Variants in GLE1 observed in about 807,000 individuals in gnomAD.
GLE1 encodes mRNA export factor GLE1.
GLE1 carries 78 observed loss-of-function variants against 97.3 expected under a neutral mutation model. That is an observed-to-expected ratio of 0.80 (90% CI 0.67 to 0.97). GLE1 has a LOEUF of 0.97. GLE1 is among the 50% of genes least tolerant of loss of function. The pLI, the probability that GLE1 is intolerant of heterozygous loss-of-function variation, is 0.00. For synonymous variants in GLE1, 302 were observed against 313.4 expected (o/e 0.96, Z 0.39); for missense variants, 753 against 857.5 (o/e 0.88, Z 1.52).
chr9:128,535,165 C>T (rs903836674), intron 11 of GLE1, among the ~76,000 whole-genome samples: 6 of 152,014 alleles, frequency 3.9e-5, no homozygotes, highest in African/African-American at 1.4e-4. Flanking sequence ...CGCTTGAGCC[C>T]AGGAGTTCAA....
chr9:128,523,652 C>A lies in GLE1; in HGVS notation c.703C>A (p.Arg235=). The A allele has an allele frequency of 6.2e-7, 1 of 1,614,006 alleles. No individual in the cohort carries two copies. Among genetic ancestry groups the A allele is most frequent in the South Asian group, 1.1e-5 (1 of 91,088 alleles). ...GCGCGTGAAGCAAGCAGAACAGGAGCGGCTTCGGAAGGAAGAAGGCCAGAT... is the reference window on the plus strand; with the variant it reads ...GCGCGTGAAGCAAGCAGAACAGGAGAGGCTTCGGAAGGAAGAAGGCCAGAT... The part of the protein sequence containing the change: ...QQRVKQAEQE[R]LRKEEGQIRL... The change falls in exon 6 of 16, where the codon CGG becomes AGG. Residue 235 remains arginine (R), a synonymous_variant. Transcript: ENST00000309971.
Position 128,509,112 on chromosome 9 carries a change from A to G in GLE1, c.321+15A>G. 6.8e-7 allele frequency: 1 copy of G among 1,473,922 alleles called. No individual in the cohort carries two copies. The highest frequency in any genetic ancestry group is 9.5e-7 in the Non-Finnish European group (1 of 1,052,064). The allele number at this position is 1,473,922 out of a possible 1,614,324, so 91.3% of individuals were successfully genotyped here. ...ATGGAACCAAGGTAAGGTTGTGATC[A>G]GCTTAAGACAAAAGACATGGTGGCT... is the stretch of plus-strand genomic sequence containing the variant. On this transcript the variant is annotated intron_variant, in intron 2 of 15. Coordinates refer to ENST00000309971, the MANE Select transcript of GLE1 (RefSeq NM_001003722.2).
At chr9:128,514,501 C>T (rs1418760822) in intron 2 of GLE1, among the ~76,000 whole-genome samples, 15 of 140,258 alleles carry the variant, frequency 1.1e-4, no homozygotes, top group African/African-American at 3.5e-4. Flanking sequence ...AGAGTGCAGT[C>T]GTACGATCTC....
At chr9:128,505,133 G>C (rs1016951031) in intron 1 of GLE1, among the ~76,000 whole-genome samples, 10 of 152,180 alleles carry the variant, frequency 6.6e-5, no homozygotes, top group African/African-American at 2.2e-4. Context: ...CGCTCTGAAG[G>C]CTTCATTGCT....
In GLE1 at chr9:128,509,103, G is replaced by A; in HGVS notation, c.321+6G>A. The A allele has an allele frequency of 1.3e-6, 2 of 1,545,204 alleles. No homozygotes were observed. Among genetic ancestry groups the A allele is most frequent in the African/African-American group, 1.4e-5 (1 of 73,722 alleles). The stretch of plus-strand genomic sequence containing the variant: ...CAACACCAAATGGAACCAAGGTAAG[G>A]TTGTGATCAGCTTAAGACAAAAGAC... On this transcript the variant is annotated splice_donor_region_variant and intron_variant, in intron 2 of 15. Coordinates refer to ENST00000309971, the MANE Select transcript of GLE1 (RefSeq NM_001003722.2).
chr9:128,537,395 A>G (rs1589076679), intron 12 of GLE1, among the ~76,000 whole-genome samples: 1 of 146,016 alleles, frequency 6.8e-6, no homozygotes, highest in Admixed American at 7.0e-5. Flanking sequence ...AGAGGTGGCA[A>G]TGAGCCGAGA....
intron 15 of GLE1, 22 bp downstream of exon 15, chr9:128,540,360 A>C: frequency 6.6e-7 from 1 of 1,513,246 alleles, no homozygotes; most frequent in Non-Finnish European, 9.2e-7. Context: ...TTAGACCAAC[A>C]TGCCCCACAC....
intron 3 of GLE1, among the ~76,000 whole-genome samples, chr9:128,521,483 A>C (rs544554715): frequency 6.6e-6 from 1 of 152,316 alleles, no homozygotes; most frequent in African/African-American, 2.4e-5. Flanking sequence ...GCCGTGAGCT[A>C]TAAGTGTGCC....
chr9:128,510,518 C>T (rs1464067285), intron 2 of GLE1, among the ~76,000 whole-genome samples: 2 of 120,294 alleles, frequency 1.7e-5, no homozygotes, highest in Non-Finnish European at 3.4e-5. Context: ...TGAACCACCA[C>T]ACCCAGGCTT....
rs2132523058 is a variant in GLE1, at chr9:128,536,354, G to C, written c.1647-1G>C. 1.9e-6 allele frequency: 3 copies of C among 1,613,046 alleles called. No individual in the cohort carries two copies. The highest frequency in any genetic ancestry group is 2.5e-6 in the Non-Finnish European group (3 of 1,179,384). On this transcript the variant is annotated splice_acceptor_variant, in intron 11 of 15. Coordinates refer to ENST00000309971, the MANE Select transcript of GLE1 (RefSeq NM_001003722.2). LOFTEE classifies it high-confidence loss of function. The stretch of plus-strand genomic sequence containing the variant: ...CGGCCAAATTTTTTCTTCCCGTATA[G>C]GATGCTTGGTTACCAAGTAAAGGAT...
chr9:128,523,692 T>G lies in GLE1; in HGVS notation c.743T>G (p.Leu248Arg). The change falls in exon 6 of 16, where the codon CTC becomes CGC. Residue 248 changes from leucine to arginine, a missense_variant. Transcript: ENST00000309971. ...GAAGGCCAGATCCGCCTGCGGGCCCTCTATGCTCTGCAGGAGGAGATGCTG... is the reference window on the plus strand; with the variant it reads ...GAAGGCCAGATCCGCCTGCGGGCCCGCTATGCTCTGCAGGAGGAGATGCTG... ...KEEGQIRLRALYALQEEMLQL... is the reference protein window; with the variant it reads ...KEEGQIRLRARYALQEEMLQL... The G allele has an allele frequency of 1.2e-6, 2 of 1,614,040 alleles. No individual in the cohort carries two copies. The highest frequency in any genetic ancestry group is 8.5e-7 in the Non-Finnish European group (1 of 1,180,006).
At position 128,523,817 on chromosome 9, in the gene GLE1, A is replaced by G. The variant is rs1451984962; in HGVS notation, c.868A>G (p.Ile290Val). 1 of 1,613,892 alleles carries G rather than the reference A, an allele frequency of 6.2e-7. No individual in the cohort carries two copies. The highest frequency in any genetic ancestry group is 8.5e-7 in the Non-Finnish European group (1 of 1,180,008). ...CCGAGGCAACCAGCTGTGCAGCCTC[A>G]TCTCAGGGATCATCCGGGCCTCTTC... Reference protein sequence around the residue: ...QTRGNQLCSLISGIIRASSES... With the variant: ...QTRGNQLCSLVSGIIRASSES... The change falls in exon 6 of 16, where the codon ATC (isoleucine) becomes GTC (valine). Residue 290 changes from isoleucine to valine, a missense_variant. Physicochemically the swap from Ile to Val is conservative, Grantham distance 29. Coordinates refer to ENST00000309971, the MANE Select transcript of GLE1 (RefSeq NM_001003722.2).
At chr9:128,527,638 A>G in intron 9 of GLE1, 113 bp downstream of exon 9, 1 of 757,152 alleles carries the variant, frequency 1.3e-6, no homozygotes. Flanking sequence ...AAATGTTTAC[A>G]GTTGGATCGG....
Position 128,541,929 on chromosome 9 carries a change from A to C in GLE1, c.*759A>C, listed in dbSNP as rs886416243. The C allele has an allele frequency of 6.6e-6, 1 of 152,286 alleles. No homozygotes were observed. The highest frequency in any genetic ancestry group is 1.5e-5 in the Non-Finnish European group (1 of 68,120). 9.4% of individuals were successfully genotyped at this position (152,286 alleles called of 1,614,324 possible). On this transcript the variant is annotated 3_prime_UTR_variant, in exon 16 of 16. Coordinates refer to ENST00000309971, the MANE Select transcript of GLE1 (RefSeq NM_001003722.2). Reference sequence around the variant, plus strand: ...TTTTCTGTTTGAATTAAGATGGGCTAAGATGGGGCTTGCAACATTAAACAT... The same window carrying C: ...TTTTCTGTTTGAATTAAGATGGGCTCAGATGGGGCTTGCAACATTAAACAT...
intron 15 of GLE1, 154 bp from the exon 16 acceptor site, chr9:128,540,948 T>G (rs1847867446): frequency 1.5e-6 from 1 of 664,610 alleles, no homozygotes; most frequent in Non-Finnish European, 2.7e-6. Flanking sequence ...GTGGACATCT[T>G]ATACAGAACC....
At chr9:128,516,146 C>T (rs550659321) in intron 3 of GLE1, among the ~76,000 whole-genome samples, 27 of 151,900 alleles carry the variant, frequency 1.8e-4, no homozygotes, top group African/African-American at 2.7e-4. Flanking sequence ...TTACTAGAGA[C>T]GGGGTTTCAC....
intron 11 of GLE1, among the ~76,000 whole-genome samples, chr9:128,534,358 G>C (rs1051433707): frequency 6.6e-6 from 1 of 152,150 alleles, no homozygotes; most frequent in Admixed American, 6.6e-5. Context: ...GACACAGCAA[G>C]AGTGTGTCTC....
intron 7 of GLE1, among the ~76,000 whole-genome samples, chr9:128,526,062 C>T (rs1184140740): frequency 2.0e-5 from 3 of 151,934 alleles, no homozygotes; most frequent in South Asian, 2.1e-4. Flanking sequence ...GCTCTTGTTG[C>T]CCAGGCTGGA....
At chr9:128,511,577 G>A (rs941661988) in intron 2 of GLE1, among the ~76,000 whole-genome samples, 11 of 151,170 alleles carry the variant, frequency 7.3e-5, no homozygotes, top group Non-Finnish European at 1.5e-4. Flanking sequence ...GAGTTGGCGG[G>A]CACCTGTAGT....
Sources: gnomAD v4.1 joint callset for allele counts (sites outside exome capture counted in the v4.1 genomes callset) on GRCh38, gnomAD v4.1.1 for gene constraint, MANE v1.5 for transcripts, NCBI Gene and HGNC (gene_info 2026-07-23, HGNC 2026-07-21) for gene names.